Variants in XIRP2 observed in about 807,000 individuals in gnomAD.
XIRP2 encodes xin actin-binding repeat-containing protein 2.
A neutral mutation model predicts 277.0 loss-of-function variants in XIRP2; 236 were observed. The observed-to-expected ratio is 0.85, with a 90% CI of 0.77 to 0.95. The LOEUF (loss-of-function observed/expected upper bound fraction) is 0.95. XIRP2 is among the 40% of genes least tolerant of loss of function. The pLI, the probability that XIRP2 is intolerant of heterozygous loss-of-function variation, is 0.00. For missense variants in XIRP2, 4,640 were observed against 4,157.5 expected, an observed-to-expected ratio of 1.12 and a Z score of -3.19; for synonymous variants, 1,490 against 1,416.5, an observed-to-expected ratio of 1.05 and a Z score of -1.17.
At chr2:167,074,159 C>T (rs1337553574) in intron 2 of XIRP2, among the ~76,000 whole-genome samples, 1 of 152,136 alleles carries the variant, frequency 6.6e-6, no homozygotes, top group Non-Finnish European at 1.5e-5. Context: ...TGGCAAGTCA[C>T]TGATATTTCT....
intron 2 of XIRP2, among the ~76,000 whole-genome samples, chr2:167,002,362 T>C (rs1574150688): frequency 6.6e-6 from 1 of 152,020 alleles, no homozygotes; most frequent in East Asian, 2.0e-4. Context: ...CAAATATTCA[T>C]TGTCATCAGG....
At chr2:167,231,507 T>C (rs1380596403) in intron 5 of XIRP2, among the ~76,000 whole-genome samples, 4 of 151,958 alleles carry the variant, frequency 2.6e-5, no homozygotes, top group African/African-American at 9.7e-5. Flanking sequence ...CTGGTTTCCA[T>C]TTGGTTAAGA....
At chr2:167,176,251 C>T (rs73025706) in intron 3 of XIRP2, among the ~76,000 whole-genome samples, 15,002 of 152,178 alleles carry the variant, frequency 0.099, 792 homozygotes, top group South Asian at 0.15. Context: ...TTCTCTTGGC[C>T]AGGGGAGGGA....
At chr2:167,081,142 A>G (rs993673513) in intron 2 of XIRP2, among the ~76,000 whole-genome samples, 6 of 152,206 alleles carry the variant, frequency 3.9e-5, no homozygotes, top group Non-Finnish European at 7.3e-5. Context: ...GAGAGAAACC[A>G]GAGATCTTCA....
At position 167,259,132 on chromosome 2, in the gene XIRP2, A is replaced by G. The variant is rs771649578; in HGVS notation, c.*1315A>G. The G allele has an allele frequency of 5.0e-6, 8 of 1,612,652 alleles. No individual in the cohort carries two copies. Among genetic ancestry groups the G allele is most frequent in the Non-Finnish European group, 5.9e-6 (7 of 1,179,270 alleles). ...TCAATTGTGATTTAATAGATTCTGT[A>G]GATCAAATTAAAAATATGCCATGCT... On this transcript the variant is annotated 3_prime_UTR_variant, in exon 11 of 11. Transcript: ENST00000409195.
intron 2 of XIRP2, among the ~76,000 whole-genome samples, chr2:166,984,393 C>T (rs1044399301): frequency 6.6e-6 from 1 of 152,032 alleles, no homozygotes; most frequent in Non-Finnish European, 1.5e-5. Flanking sequence ...AGGAGGCTTA[C>T]AGAAGTCATG....
intron 2 of XIRP2, among the ~76,000 whole-genome samples, chr2:166,962,268 G>A (rs979422214): frequency 1.1e-4 from 17 of 151,832 alleles, no homozygotes; most frequent in African/African-American, 3.9e-4. Flanking sequence ...AGCTATGCCT[G>A]TAAGACTAAT....
At chr2:166,981,721 G>GAC (rs1332012557) in intron 2 of XIRP2, among the ~76,000 whole-genome samples, 3 of 152,108 alleles carry the variant, frequency 2.0e-5, no homozygotes, top group Non-Finnish European at 4.4e-5. Context: ...TTCTTATAAG[G>GAC]ACATCAGTCG....
intron 1 of XIRP2, chr2:166,889,848 G>GCCCCATCTC (rs1684058272): frequency 2.0e-5 from 2 of 99,448 alleles, no homozygotes; most frequent in South Asian, 7.0e-4. Context: ...TTTGGGGTAA[G>GCCCCATCTC]CCCCATCTCC....
At chr2:166,913,409 G>A (rs1684774012) in intron 2 of XIRP2, among the ~76,000 whole-genome samples, 1 of 152,008 alleles carries the variant, frequency 6.6e-6, no homozygotes, top group Non-Finnish European at 1.5e-5. Flanking sequence ...TCTGAGCCAG[G>A]CATGGGATAT....
At chr2:166,960,422 C>A (rs754372657) in intron 2 of XIRP2, among the ~76,000 whole-genome samples, 1 of 151,644 alleles carries the variant, frequency 6.6e-6, no homozygotes, top group African/African-American at 2.4e-5. Flanking sequence ...AAATGAGTCT[C>A]CCACCAGGAT....
intron 2 of XIRP2, among the ~76,000 whole-genome samples, chr2:166,974,723 G>A (rs1242417269): frequency 2.6e-5 from 4 of 151,594 alleles, no homozygotes; most frequent in African/African-American, 9.7e-5. Context: ...GGAGTAACAA[G>A]AGAAGAGAAG....
intron 2 of XIRP2, among the ~76,000 whole-genome samples, chr2:167,014,162 A>G (rs902777625): frequency 6.6e-6 from 1 of 151,684 alleles, no homozygotes; most frequent in Admixed American, 6.6e-5. Flanking sequence ...GTCCAGTCAG[A>G]CTTCCCATCT....
chr2:167,007,590 T>C (rs368652458), intron 2 of XIRP2, among the ~76,000 whole-genome samples: 2 of 151,374 alleles, frequency 1.3e-5, no homozygotes, highest in African/African-American at 2.4e-5. Flanking sequence ...TTGTATGTAC[T>C]GGGGGGAATG....
intron 2 of XIRP2, among the ~76,000 whole-genome samples, chr2:167,028,763 C>G (rs2105500096): frequency 6.6e-6 from 1 of 151,492 alleles, no homozygotes; most frequent in African/African-American, 2.4e-5. Context: ...GATATTTGAC[C>G]TTTCAGACAA....
intron 2 of XIRP2, among the ~76,000 whole-genome samples, chr2:167,098,716 A>G (rs1469403897): frequency 1.3e-5 from 2 of 152,078 alleles, no homozygotes; most frequent in Non-Finnish European, 1.5e-5. Context: ...TGACCTTCAG[A>G]TGGAGGTTTT....
At chr2:167,147,478 T>C (rs1691894334) in intron 3 of XIRP2, among the ~76,000 whole-genome samples, 1 of 152,148 alleles carries the variant, frequency 6.6e-6, no homozygotes, top group Non-Finnish European at 1.5e-5. Flanking sequence ...ATCAGTTTGG[T>C]CTCTGGGAGA....
chr2:166,904,087 T>C (rs1018080123), intron 2 of XIRP2, among the ~76,000 whole-genome samples, 197 bp downstream of exon 2: 1 of 152,140 alleles, frequency 6.6e-6, no homozygotes, highest in Non-Finnish European at 1.5e-5. Flanking sequence ...GGACTTGACT[T>C]CCTTTTTCTT....
Position 167,249,171 on chromosome 2 carries a change from T to A in XIRP2, c.7779T>A (p.Asn2593Lys). ...VEKEMPLQKT[N>K]EEVSLSGIDS... The stretch of plus-strand genomic sequence containing the variant: ...AGGAAATGCCATTACAAAAAACCAA[T>A]GAGGAGGTTTCCCTATCTGGAATTG... The change falls in exon 9 of 11, where the codon AAT becomes AAA. Residue 2593 changes from asparagine to lysine, a missense_variant. By Grantham distance (94) the Asn-to-Lys change is moderately conservative. Transcript: ENST00000409195. The A allele has an allele frequency of 6.2e-7, 1 of 1,613,658 alleles. No individual in the cohort carries two copies. Among genetic ancestry groups the A allele is most frequent in the Non-Finnish European group, 8.5e-7 (1 of 1,179,776 alleles).
Sources: gnomAD v4.1 joint callset for allele counts (sites outside exome capture counted in the v4.1 genomes callset) on GRCh38, gnomAD v4.1.1 for gene constraint, MANE v1.5 for transcripts, NCBI Gene and HGNC (gene_info 2026-07-23, HGNC 2026-07-21) for gene names.